Variants in METAP1D observed in about 807,000 individuals in gnomAD.
METAP1D encodes methionyl aminopeptidase type 1D, mitochondrial, also known as methionine aminopeptidase 1D, mitochondrial.
METAP1D carries 31 observed loss-of-function variants against 40.5 expected under a neutral mutation model. The ratio of observed to expected loss-of-function variants is 0.77; its 90% CI spans 0.58 to 1.03. The LOEUF (loss-of-function observed/expected upper bound fraction) is 1.03. Ranked by LOEUF, METAP1D falls within the 50% of genes least tolerant of loss-of-function variation. METAP1D has a pLI of 0.00. For synonymous variants in METAP1D, 151 were observed against 146.4 expected (o/e 1.03, Z -0.22); for missense variants, 411 against 420.7 (o/e 0.98, Z 0.20).
rs1414602307 is a variant in METAP1D at position 172,026,598 on chromosome 2, CTACCTA to C, written c.40+26590_40+26595del. On this transcript the variant is annotated intron_variant, in intron 1 of 9. Transcript: ENST00000315796. ...AGATTTCACAGTGAGCCCATAGCGCCTACCTAGACATTCTGTTTGCTGTAGAAACCA... is the reference window on the plus strand; with the variant it reads ...AGATTTCACAGTGAGCCCATAGCGCCGACATTCTGTTTGCTGTAGAAACCA... Among the ~76,000 whole-genome samples the C allele has an allele frequency of 2.0e-5, 3 of 152,194 alleles. No homozygotes were observed. The South Asian group carries it at 6.2e-4, about 31-fold the overall frequency.
At chr2:172,036,446 A>G (rs1238745369) in intron 1 of METAP1D, among the ~76,000 whole-genome samples, 1 of 147,460 alleles carries the variant, frequency 6.8e-6, no homozygotes, top group Non-Finnish European at 1.5e-5. Flanking sequence ...GCTCAATGCA[A>G]GCTCCGCCTT....
At chr2:172,079,496 A>C (rs1690646129) in intron 8 of METAP1D, among the ~76,000 whole-genome samples, 1 of 152,262 alleles carries the variant, frequency 6.6e-6, no homozygotes. Context: ...TGTTACCAGC[A>C]TAATGTGGTG....
chr2:172,016,332 A>ATATATAT (rs1558995296), intron 1 of METAP1D, among the ~76,000 whole-genome samples: 3 of 88,008 alleles, frequency 3.4e-5, no homozygotes, highest in South Asian at 4.9e-4. Context: ...TATATATATA[A>ATATATAT]ATAGTCCAGG....
At chr2:172,043,070 C>CGT (rs1241021110) in intron 1 of METAP1D, among the ~76,000 whole-genome samples, 3 of 108,362 alleles carry the variant, frequency 2.8e-5, no homozygotes, top group African/African-American at 8.8e-5. Flanking sequence ...TATATATATA[C>CGT]GTGTGTGTGT....
intron 1 of METAP1D, among the ~76,000 whole-genome samples, chr2:172,036,045 T>C (rs12987931): frequency 0.5 from 75,737 of 151,836 alleles, 20,130 homozygotes; most frequent in East Asian, 0.85. Context: ...TGGCTGGGCA[T>C]GATGGTTCAT....
intron 1 of METAP1D, among the ~76,000 whole-genome samples, chr2:172,057,828 T>G (rs1376847990): frequency 6.6e-6 from 1 of 152,220 alleles, no homozygotes; most frequent in African/African-American, 2.4e-5. Flanking sequence ...ATTAATGAGC[T>G]AACATATGTA....
intron 1 of METAP1D, among the ~76,000 whole-genome samples, chr2:172,034,742 A>G (rs1243292580): frequency 6.6e-6 from 1 of 152,228 alleles, no homozygotes; most frequent in Admixed American, 6.5e-5. Context: ...GTTTGTAGTA[A>G]TAGAGTAATT....
intron 2 of METAP1D, among the ~76,000 whole-genome samples, chr2:172,062,766 CG>C (rs987139126): frequency 6.6e-6 from 1 of 152,128 alleles, no homozygotes; most frequent in Non-Finnish European, 1.5e-5. Flanking sequence ...AGTGAAGACC[CG>C]TAACTCCTGC....
intron 1 of METAP1D, among the ~76,000 whole-genome samples, chr2:172,045,761 GTGTATATA>G (rs1192872957): frequency 6.9e-5 from 4 of 57,818 alleles, no homozygotes; most frequent in South Asian, 6.1e-4. Flanking sequence ...GTATATATGT[GTGTATATA>G]TGTATATATG....
At chr2:172,008,088 C>A (rs1455815577) in intron 1 of METAP1D, among the ~76,000 whole-genome samples, 1 of 145,390 alleles carries the variant, frequency 6.9e-6, no homozygotes, top group African/African-American at 2.5e-5. Context: ...TTCTGTGGAG[C>A]TTTGCATTTT....
chr2:172,039,706 C>T (rs913825087), intron 1 of METAP1D, among the ~76,000 whole-genome samples: 2 of 148,490 alleles, frequency 1.3e-5, no homozygotes, highest in Non-Finnish European at 3.0e-5. Flanking sequence ...CTCGCTCTAT[C>T]GCCCAGGCTG....
At position 172,060,181 on chromosome 2, in the gene METAP1D, C is replaced by G. The variant is rs141382343; in HGVS notation, c.41-1317C>G. Among the ~76,000 whole-genome samples the G allele has an allele frequency of 1.5e-3, 234 of 152,120 alleles. 2 individuals are homozygous for G. Among genetic ancestry groups the G allele is most frequent in the African/African-American group, 5.2e-3 (215 of 41,496 alleles). ...CTGTAACCTCAACACTTTGGGAGGC[C>G]GAGGTGGGAGGATCGCTTGAGCCCA... On this transcript the variant is annotated intron_variant, in intron 1 of 9. Coordinates refer to ENST00000315796, the MANE Select transcript of METAP1D (RefSeq NM_199227.3).
intron 1 of METAP1D, among the ~76,000 whole-genome samples, chr2:172,022,835 C>A (rs997571535): frequency 2.0e-5 from 3 of 151,986 alleles, no homozygotes; most frequent in Non-Finnish European, 4.4e-5. Context: ...ATTTATGGTT[C>A]TTTTTCTCCA....
intron 3 of METAP1D, chr2:172,064,436 A>C (rs1012134709): frequency 6.6e-6 from 1 of 152,240 alleles, no homozygotes; most frequent in Admixed American, 6.5e-5. Context: ...CCTGGCCAAC[A>C]TGGTGAAACC....
At chr2:172,080,099 C>T (rs1256654175) in intron 8 of METAP1D, 29 bp from the exon 9 acceptor site, 14 of 1,568,338 alleles carry the variant, frequency 8.9e-6, no homozygotes, top group South Asian at 3.4e-5. Context: ...CTGATGAGGT[C>T]ACTGCAGTAA....
intron 1 of METAP1D, among the ~76,000 whole-genome samples, chr2:172,026,495 C>T (rs1484489738): frequency 6.6e-6 from 1 of 152,160 alleles, no homozygotes; most frequent in Non-Finnish European, 1.5e-5. Context: ...CATATTTTAA[C>T]TTAGTGAGTA....
In METAP1D at chr2:172,080,486, A is replaced by T; in HGVS notation, c.*80A>T. 1 of 1,470,254 alleles carries T rather than the reference A, an allele frequency of 6.8e-7. No homozygotes were observed. Among genetic ancestry groups the T allele is most frequent in the East Asian group, 2.3e-5 (1 of 44,072 alleles). The allele number at this position is 1,470,254 out of a possible 1,614,324, so 91.1% of individuals were successfully genotyped here. A position where few individuals can be genotyped will look rare whatever the true frequency, so the allele number is the denominator to read the frequency against. On this transcript the variant is annotated 3_prime_UTR_variant, in exon 10 of 10. Coordinates refer to ENST00000315796, the MANE Select transcript of METAP1D (RefSeq NM_199227.3). Reference sequence around the variant, plus strand: ...TTTGGCTGGAGAACTTTTAGAAGAAACAGGGAAATGACCGGTGGTGCGGTA... The same window carrying T: ...TTTGGCTGGAGAACTTTTAGAAGAATCAGGGAAATGACCGGTGGTGCGGTA...
intron 1 of METAP1D, among the ~76,000 whole-genome samples, chr2:172,045,815 GTGTGTATATATATATATATATATATATA>G (rs1415883867): frequency 1.6e-4 from 4 of 24,278 alleles, no homozygotes; most frequent in East Asian, 1.9e-3. Context: ...GTGTGTGTGT[GTGTGTATATATATATATATATATATATA>G]TATATATATA....
At chr2:172,071,299 G>A (rs1317261160) in intron 6 of METAP1D, among the ~76,000 whole-genome samples, 2 of 152,070 alleles carry the variant, frequency 1.3e-5, no homozygotes, top group Admixed American at 1.3e-4. Context: ...GAAGGAGCAA[G>A]CAATATTTAC....
Sources: allele counts gnomAD v4.1 joint callset (sites outside exome capture counted in the v4.1 genomes callset), GRCh38; gene constraint gnomAD v4.1.1; transcripts MANE v1.5; gene names NCBI Gene and HGNC (gene_info 2026-07-23, HGNC 2026-07-21).